PTP4A1: variants seen among roughly 807,000 people sequenced by gnomAD.
PTP4A1 encodes the protein protein tyrosine phosphatase 4A1.
PTP4A1 carries 9 observed loss-of-function variants against 20.5 expected under a neutral mutation model. The ratio of observed to expected loss-of-function variants is 0.44; its 90% confidence interval spans 0.26 to 0.77. PTP4A1 has a LOEUF of 0.77. PTP4A1 is among the 30% of genes least tolerant of loss of function. The pLI is 0.19. For synonymous variants in PTP4A1, 78 were observed against 67.4 expected, an observed-to-expected ratio of 1.16 and a Z score of -0.77; for missense variants, 137 against 218.8, an observed-to-expected ratio of 0.63 and a Z score of 2.36.
At chr6:63,570,399 A>G (rs1355889233), upstream of PTP4A1, among the ~76,000 whole-genome samples, 1 of 152,216 alleles carries the variant, frequency 6.6e-6, no homozygotes, top group Non-Finnish European at 1.5e-5. Flanking sequence ...CATCCTTTAA[A>G]TATGTTACTT....
intron 1 of PTP4A1, among the ~76,000 whole-genome samples, chr6:63,526,837 T>TA (rs1562111525): frequency 9.6e-3 from 843 of 87,402 alleles, no homozygotes; most frequent in Non-Finnish European, 0.015. Context: ...ATATATATAT[T>TA]TATTTATTTA....
intron 1 of PTP4A1, among the ~76,000 whole-genome samples, chr6:63,527,458 C>A (rs904186062): frequency 2.0e-5 from 3 of 152,050 alleles, no homozygotes; most frequent in African/African-American, 7.2e-5. Context: ...TTCTCCTCTT[C>A]TTATGTTGTA....
At chr6:63,520,281 G>T (rs1451093430), upstream of PTP4A1, among the ~76,000 whole-genome samples, 1 of 152,092 alleles carries the variant, frequency 6.6e-6, no homozygotes, top group Non-Finnish European at 1.5e-5. Context: ...TTGGCCTTCA[G>T]GAGATCTATC....
chr6:63,559,464 C>T (rs1172765816), intron 3 of PTP4A1, among the ~76,000 whole-genome samples: 1 of 152,198 alleles, frequency 6.6e-6, no homozygotes, highest in South Asian at 2.1e-4. Flanking sequence ...ATGAATTTCA[C>T]GGCCAGGTGC....
At chr6:63,548,590 G>T in intron 2 of PTP4A1, 1 of 303,906 alleles carries the variant, frequency 3.3e-6, no homozygotes, top group Non-Finnish European at 6.3e-6. Context: ...CAGGGTACAT[G>T]GTAGAAATTC....
At chr6:63,551,624 T>C (rs112609087) in intron 3 of PTP4A1, among the ~76,000 whole-genome samples, 2,691 of 152,250 alleles carry the variant, frequency 0.018, 33 homozygotes, top group South Asian at 0.038. Flanking sequence ...GCCATGTTGG[T>C]GTGCTGCACC....
chr6:63,565,510 G>C (rs914743415), intron 3 of PTP4A1, among the ~76,000 whole-genome samples: 2 of 152,032 alleles, frequency 1.3e-5, no homozygotes, highest in Non-Finnish European at 2.9e-5. Context: ...ACCTCAAATG[G>C]TTTGATATGA....
chr6:63,542,098 A>C (rs1331785750), intron 2 of PTP4A1, among the ~76,000 whole-genome samples: 1 of 151,892 alleles, frequency 6.6e-6, no homozygotes, highest in Non-Finnish European at 1.5e-5. Context: ...AGCCATAAAA[A>C]GGAATAAATT....
chr6:63,534,925 T>G (rs1775654743), intron 2 of PTP4A1, among the ~76,000 whole-genome samples: 1 of 151,934 alleles, frequency 6.6e-6, no homozygotes, highest in African/African-American at 2.4e-5. Context: ...CTGGGTGTGG[T>G]GGCACACATC....
chr6:63,563,757 A>T (rs1349317438), intron 3 of PTP4A1, among the ~76,000 whole-genome samples: 4 of 152,194 alleles, frequency 2.6e-5, no homozygotes, highest in Non-Finnish European at 5.9e-5. Flanking sequence ...GAAAACCCCA[A>T]GGAAAGTGGA....
intron 3 of PTP4A1, among the ~76,000 whole-genome samples, chr6:63,556,652 A>G (rs571838735): frequency 7.2e-5 from 11 of 152,248 alleles, no homozygotes; most frequent in Non-Finnish European, 1.5e-4. Flanking sequence ...AAAGATCAGC[A>G]TGTCACTATC....
At chr6:63,532,928 G>A (rs1363578760) in intron 2 of PTP4A1, among the ~76,000 whole-genome samples, 1 of 152,144 alleles carries the variant, frequency 6.6e-6, no homozygotes, top group Non-Finnish European at 1.5e-5. Context: ...TTGCACTAAG[G>A]TATTACATAC....
chr6:63,526,291 C>T (rs1384960018), intron 1 of PTP4A1, among the ~76,000 whole-genome samples: 1 of 151,976 alleles, frequency 6.6e-6, no homozygotes, highest in Non-Finnish European at 1.5e-5. Context: ...CACCACTGCA[C>T]TCCAGCCTGG....
intron 2 of PTP4A1, among the ~76,000 whole-genome samples, chr6:63,533,318 G>T (rs1461033024): frequency 6.6e-6 from 1 of 152,158 alleles, no homozygotes; most frequent in Admixed American, 6.5e-5. Context: ...GGAGGCAGAG[G>T]TTACAGTGAG....
In PTP4A1 at chr6:63,577,069, G is replaced by A. The variant is rs1176442646; in HGVS notation, c.105+84G>A. Reference sequence around the variant, plus strand: ...AGCTAACAAAATAAAAACTACTTTGGAAAAAATGAGATGATATACCTACAA... The same window carrying A: ...AGCTAACAAAATAAAAACTACTTTGAAAAAAATGAGATGATATACCTACAA... On this transcript the variant is annotated intron_variant, in intron 2 of 5. Transcript: ENST00000626021. 11 of 1,019,114 alleles carry A rather than the reference G, an allele frequency of 1.1e-5. No individual in the cohort carries two copies. In the African/African-American group the frequency reaches 1.2e-4, roughly 11 times the overall value. 63.1% of individuals were successfully genotyped at this position (1,019,114 alleles called of 1,614,324 possible).
chr6:63,518,711 A>G (rs1774818741), upstream of PTP4A1, among the ~76,000 whole-genome samples: 1 of 152,272 alleles, frequency 6.6e-6, no homozygotes, highest in African/African-American at 2.4e-5. Flanking sequence ...TACTAACAAC[A>G]GAGAGGACAA....
At chr6:63,548,465 A>T (rs892261707) in intron 2 of PTP4A1, among the ~76,000 whole-genome samples, 1 of 152,170 alleles carries the variant, frequency 6.6e-6, no homozygotes, top group Admixed American at 6.6e-5. Flanking sequence ...ATTCCTACAT[A>T]GGTGCTCTCA....
At chr6:63,519,307 C>CA (rs796875497), upstream of PTP4A1, among the ~76,000 whole-genome samples, 35 of 140,770 alleles carry the variant, frequency 2.5e-4, no homozygotes, top group South Asian at 4.5e-4. Flanking sequence ...AACTCTGTCT[C>CA]AAAAAAAAAA....
At chr6:63,535,113 G>A (rs1176048667) in intron 2 of PTP4A1, among the ~76,000 whole-genome samples, 1 of 151,878 alleles carries the variant, frequency 6.6e-6, no homozygotes, top group African/African-American at 2.4e-5. Flanking sequence ...CAGTATTTTA[G>A]GTAATAAAAT....
Sources: allele counts gnomAD v4.1 joint callset (sites outside exome capture counted in the v4.1 genomes callset), GRCh38; gene constraint gnomAD v4.1.1; transcripts MANE v1.5; gene names NCBI Gene and HGNC (gene_info 2026-07-23, HGNC 2026-07-21).